GRIA3: variants seen among roughly 807,000 people sequenced by gnomAD.
The protein encoded by GRIA3 is glutamate receptor 3.
A neutral mutation model predicts 63.0 loss-of-function variants in GRIA3; 3 were observed. That is an observed-to-expected ratio of 0.05 (90% CI 0.02 to 0.12). The LOEUF is 0.12. Ranked by LOEUF, GRIA3 falls within the 10% of genes least tolerant of loss-of-function variation. GRIA3 has a pLI of 1.00. For synonymous variants in GRIA3, 274 were observed against 257.9 expected, an observed-to-expected ratio of 1.06 and a Z score of -0.60; for missense variants, 347 against 700.9, an observed-to-expected ratio of 0.50 and a Z score of 5.70.
chrX:123,379,230 C>T (rs1247819474), intron 5 of GRIA3, among the ~76,000 whole-genome samples: 1 of 111,465 alleles, frequency 9.0e-6, no homozygotes, highest in African/African-American at 3.3e-5. Flanking sequence ...ATTTTATTTC[C>T]CTTTTTATAT....
chrX:123,326,187 G>C lies in GRIA3; in HGVS notation c.670G>C (p.Glu224Gln). 1 of 1,208,965 alleles carries C rather than the reference G, an allele frequency of 8.3e-7. No homozygotes were observed. The highest frequency in any genetic ancestry group is 1.1e-6 in the Non-Finnish European group (1 of 893,266). ...GCGATACTTGATTGACTGCGAAGTC[G>C]AAAGGATTAACACAATTTTGGAACA... ...EKRYLIDCEV[E>Q]RINTILEQVV... The change falls in exon 4 of 16, where the codon GAA becomes CAA. Residue 224 changes from glutamate (E) to glutamine (Q), a missense_variant. Physicochemically the swap from Glu to Gln is conservative, Grantham distance 29. Coordinates refer to ENST00000620443, the MANE Select transcript of GRIA3 (RefSeq NM_007325.5).
chrX:123,425,373 T>C (rs1419230036), intron 11 of GRIA3, among the ~76,000 whole-genome samples: 4 of 112,041 alleles, frequency 3.6e-5, no homozygotes, highest in African/African-American at 1.3e-4. Context: ...TTAAAATAGT[T>C]GGCACAGGTA....
At chrX:123,217,811 CCTCT>C (rs1221994922) in intron 2 of GRIA3, among the ~76,000 whole-genome samples, 1 of 112,048 alleles carries the variant, frequency 8.9e-6, no homozygotes, top group Admixed American at 9.4e-5. Flanking sequence ...TGTACTGTTA[CCTCT>C]CTCTCTCCTT....
chrX:123,488,414 T>A (rs2147451181), intron 15 of GRIA3, among the ~76,000 whole-genome samples: 1 of 112,526 alleles, frequency 8.9e-6, no homozygotes, highest in Admixed American at 9.4e-5. Context: ...ACTCTTTTAG[T>A]TCTTGTGAAT....
At chrX:123,311,029 G>C (rs1338418984) in intron 3 of GRIA3, among the ~76,000 whole-genome samples, 3 of 108,647 alleles carry the variant, frequency 2.8e-5, no homozygotes, top group African/African-American at 1.0e-4. Context: ...AAATTCTCTT[G>C]ATCTGTCCTG....
At chrX:123,425,470 G>A (rs2147399028) in intron 11 of GRIA3, among the ~76,000 whole-genome samples, 1 of 111,894 alleles carries the variant, frequency 8.9e-6, no homozygotes, top group Non-Finnish European at 1.9e-5. Flanking sequence ...CTATTACTAT[G>A]GATGTTTCTT....
intron 5 of GRIA3, among the ~76,000 whole-genome samples, chrX:123,369,083 C>A (rs941458143): frequency 9.0e-6 from 1 of 111,379 alleles, no homozygotes; most frequent in Non-Finnish European, 1.9e-5. Flanking sequence ...ATATCTCCCA[C>A]CCTTCCACTC....
chrX:123,276,439 T>C (rs2044554979), intron 3 of GRIA3, among the ~76,000 whole-genome samples: 2 of 111,900 alleles, frequency 1.8e-5, no homozygotes, highest in African/African-American at 6.5e-5. Flanking sequence ...TCTCTCCCCC[T>C]TTCCTCCCTC....
intron 12 of GRIA3, among the ~76,000 whole-genome samples, chrX:123,443,390 G>GATA (rs772705425): frequency 7.2e-5 from 8 of 111,710 alleles, no homozygotes; most frequent in Non-Finnish European, 1.1e-4. Context: ...TGTCTTTATG[G>GATA]ATCTTTCAGA....
chrX:123,267,753 C>T (rs1429594144), intron 3 of GRIA3, among the ~76,000 whole-genome samples: 1 of 111,710 alleles, frequency 9.0e-6, no homozygotes, highest in African/African-American at 3.2e-5. Flanking sequence ...TAAAATAGTG[C>T]CTATTCATAA....
chrX:123,367,626 G>A (rs1409264807), intron 5 of GRIA3, among the ~76,000 whole-genome samples: 1 of 110,714 alleles, frequency 9.0e-6, no homozygotes, highest in African/African-American at 3.3e-5. Flanking sequence ...TAGTAGAAAC[G>A]GAGTTTCACC....
intron 5 of GRIA3, among the ~76,000 whole-genome samples, chrX:123,382,730 G>A (rs1292730726): frequency 8.9e-6 from 1 of 112,067 alleles, no homozygotes; most frequent in African/African-American, 3.2e-5. Context: ...GAGTGGTACA[G>A]TAGACAATAA....
intron 15 of GRIA3, among the ~76,000 whole-genome samples, chrX:123,484,055 A>G (rs1288455537): frequency 8.9e-6 from 1 of 111,996 alleles, no homozygotes; most frequent in Non-Finnish European, 1.9e-5. Context: ...TTAAGCTTTG[A>G]GTTCTTTTGT....
chrX:123,479,149 T>C (rs1436030068), intron 13 of GRIA3, among the ~76,000 whole-genome samples: 1 of 112,802 alleles, frequency 8.9e-6, no homozygotes, highest in African/African-American at 3.2e-5. Context: ...GTTGAGGAAG[T>C]CTTATCTTAC....
chrX:123,401,094 A>G (rs755265553), intron 7 of GRIA3, among the ~76,000 whole-genome samples: 1 of 111,970 alleles, frequency 8.9e-6, no homozygotes, highest in African/African-American at 3.2e-5. Flanking sequence ...AGTCTTGCAC[A>G]GGATGCTATG....
chrX:123,397,270 T>A (rs2045419962), intron 6 of GRIA3, among the ~76,000 whole-genome samples: 1 of 112,142 alleles, frequency 8.9e-6, no homozygotes, highest in South Asian at 3.7e-4. Context: ...CCTTGCACAA[T>A]ATCAATCAAA....
intron 3 of GRIA3, among the ~76,000 whole-genome samples, chrX:123,263,789 G>A (rs1432519567): frequency 1.8e-5 from 2 of 112,261 alleles, no homozygotes; most frequent in African/African-American, 3.2e-5. Flanking sequence ...TAGTGAGGTC[G>A]TTTTCCATCC....
intron 5 of GRIA3, among the ~76,000 whole-genome samples, chrX:123,357,360 T>C (rs1289542385): frequency 9.1e-6 from 1 of 109,567 alleles, no homozygotes; most frequent in Non-Finnish European, 1.9e-5. Context: ...CCATGACCGA[T>C]GATCTGTAAA....
At chrX:123,434,460 G>T (rs1334875485) in intron 12 of GRIA3, among the ~76,000 whole-genome samples, 4 of 111,801 alleles carry the variant, frequency 3.6e-5, no homozygotes, top group Non-Finnish European at 7.5e-5. Context: ...CAGATGAGTT[G>T]ACACTAAGGG....
Sources: allele counts gnomAD v4.1 joint callset (sites outside exome capture counted in the v4.1 genomes callset), GRCh38; gene constraint gnomAD v4.1.1; transcripts MANE v1.5; gene names NCBI Gene and HGNC (gene_info 2026-07-23, HGNC 2026-07-21).